EPRS1: variants seen among roughly 807,000 people sequenced by gnomAD.
EPRS1 encodes bifunctional glutamate/proline--tRNA ligase.
A neutral mutation model predicts 188.3 loss-of-function variants in EPRS1; 107 were observed. The observed-to-expected ratio is 0.57, with a 90% CI of 0.49 to 0.67. The LOEUF is 0.67. Ranked by LOEUF, EPRS1 falls within the 30% of genes least tolerant of loss-of-function variation. The probability of loss-of-function intolerance (pLI) is 0.00; values close to 1 mark genes in which losing one functional copy is unlikely to be tolerated. For missense variants in EPRS1, 1,577 were observed against 1,802.2 expected (o/e 0.88, Z 2.26); for synonymous variants, 596 against 593.1 (o/e 1.00, Z -0.07).
At chr1:220,009,379 C>T (rs185046181) in intron 13 of EPRS1, among the ~76,000 whole-genome samples, 8 of 152,264 alleles carry the variant, frequency 5.3e-5, no homozygotes, top group East Asian at 1.9e-4. Flanking sequence ...AGTCTGTGAA[C>T]GTAATTTTCA....
At chr1:219,974,377 G>A (rs928880385) in intron 28 of EPRS1, among the ~76,000 whole-genome samples, 25 of 152,164 alleles carry the variant, frequency 1.6e-4, no homozygotes, top group Non-Finnish European at 2.9e-5. Context: ...GCAAGTTTAC[G>A]ACTTGGGAAT....
At chr1:220,010,750 C>A (rs1661586924) in intron 13 of EPRS1, among the ~76,000 whole-genome samples, 196 bp downstream of exon 13, 2 of 149,436 alleles carry the variant, frequency 1.3e-5, no homozygotes, top group Non-Finnish European at 3.0e-5. Flanking sequence ...GCAGGGGTTG[C>A]AGTGAGCCGA....
Position 219,988,746 on chromosome 1 carries a change from T to A in EPRS1, c.2619A>T (p.Ile873=). ...QYKEKTGKEY[I]PGQPPLSQSS... The stretch of plus-strand genomic sequence containing the variant: ...TTTGAGATAATGGGGGCTGACCAGG[T>A]ATGTACTCCTTCCCAGTTTTTTCTT... Residue 873 remains isoleucine (I), a synonymous_variant, in exon 19 of 32, where the codon ATA becomes ATT. Coordinates refer to ENST00000366923, the MANE Select transcript of EPRS1 (RefSeq NM_004446.3). 1 of 1,613,920 alleles carries A rather than the reference T, an allele frequency of 6.2e-7. No homozygotes were observed. The highest frequency in any genetic ancestry group is 1.7e-5 in the Admixed American group (1 of 60,000).
At chr1:219,979,950 T>C (rs1053444135) in intron 26 of EPRS1, 135 bp downstream of exon 26, 1 of 793,296 alleles carries the variant, frequency 1.3e-6, no homozygotes, top group Non-Finnish European at 2.0e-6. Context: ...ATAGATTTGT[T>C]TGAAATTATT....
chr1:220,041,249 T>C (rs1662288094), intron 1 of EPRS1, among the ~76,000 whole-genome samples: 1 of 151,788 alleles, frequency 6.6e-6, no homozygotes, highest in South Asian at 2.1e-4. Context: ...GCAGGACTGC[T>C]TGAGCCTGGG....
intron 28 of EPRS1, among the ~76,000 whole-genome samples, chr1:219,976,465 T>C (rs1484938271): frequency 6.6e-6 from 1 of 152,180 alleles, no homozygotes; most frequent in African/African-American, 2.4e-5. Context: ...TACTAACTTG[T>C]ATTGTATTAT....
At chr1:219,982,751 C>A (rs748513045) in intron 23 of EPRS1, 21 bp downstream of exon 23, 7 of 1,605,730 alleles carry the variant, frequency 4.4e-6, no homozygotes, top group Non-Finnish European at 6.0e-6. Context: ...CATTCTCTTG[C>A]ACTCCAATGC....
At chr1:220,041,789 A>T (rs551946823) in intron 1 of EPRS1, among the ~76,000 whole-genome samples, 1 of 151,644 alleles carries the variant, frequency 6.6e-6, no homozygotes, top group South Asian at 2.1e-4. Flanking sequence ...GTGGCAAGCC[A>T]AGATTGCACT....
chr1:220,034,873 G>A (rs1444323142), intron 3 of EPRS1, 41 bp downstream of exon 3: 6 of 1,101,000 alleles, frequency 5.4e-6, no homozygotes, highest in Non-Finnish European at 8.4e-6. Context: ...AAAAACAGAA[G>A]CATAAGACAA....
At chr1:219,984,113 A>G in intron 21 of EPRS1, 93 bp downstream of exon 21, 1 of 836,472 alleles carries the variant, frequency 1.2e-6, no homozygotes, top group Admixed American at 1.8e-5. Flanking sequence ...CAACATTATT[A>G]CTATTGCCTT....
intron 12 of EPRS1, among the ~76,000 whole-genome samples, chr1:220,012,915 C>T (rs535739056): frequency 3.3e-4 from 31 of 93,812 alleles, no homozygotes; most frequent in Non-Finnish European, 1.8e-4. Flanking sequence ...GTTTAATTTT[C>T]AAGAAAACTT....
At chr1:219,975,005 A>C (rs1660748270) in intron 28 of EPRS1, among the ~76,000 whole-genome samples, 1 of 152,240 alleles carries the variant, frequency 6.6e-6, no homozygotes, top group African/African-American at 2.4e-5. Flanking sequence ...GAATTAAAAA[A>C]CATTCTATAA....
At chr1:219,998,619 T>C (rs906986358) in intron 17 of EPRS1, among the ~76,000 whole-genome samples, 1 of 150,472 alleles carries the variant, frequency 6.6e-6, no homozygotes, top group Non-Finnish European at 1.5e-5. Flanking sequence ...CTCAGCTCAC[T>C]GAAACCTCCG....
At chr1:219,975,500 A>C (rs1165583062) in intron 28 of EPRS1, among the ~76,000 whole-genome samples, 1 of 152,058 alleles carries the variant, frequency 6.6e-6, no homozygotes, top group Non-Finnish European at 1.5e-5. Context: ...GCAATGGTGC[A>C]ATCTGGGCTC....
chr1:220,025,795 G>GTTTT (rs780936118), intron 6 of EPRS1, among the ~76,000 whole-genome samples: 1 of 141,564 alleles, frequency 7.1e-6, no homozygotes, highest in Admixed American at 7.1e-5. Flanking sequence ...CAAAATAAAA[G>GTTTT]TTTTTTTTTT....
chr1:220,028,734 T>C (rs1416079178), intron 6 of EPRS1, among the ~76,000 whole-genome samples: 1 of 152,162 alleles, frequency 6.6e-6, no homozygotes, highest in Non-Finnish European at 1.5e-5. Flanking sequence ...TGGTAGCACC[T>C]GTACATAATA....
intron 17 of EPRS1, among the ~76,000 whole-genome samples, chr1:219,997,804 A>G (rs1661265409): frequency 1.3e-5 from 2 of 152,212 alleles, no homozygotes; most frequent in South Asian, 4.1e-4. Flanking sequence ...AAAGGCTGAG[A>G]AAAAGTGAAT....
chr1:220,040,371 C>G, intron 1 of EPRS1, 102 bp from the exon 2 acceptor site: 1 of 750,314 alleles, frequency 1.3e-6, no homozygotes, highest in South Asian at 1.8e-5. Flanking sequence ...AATATTAAGT[C>G]CTACAAGGAG....
At position 219,985,888 on chromosome 1, in the gene EPRS1, T is replaced by A. The variant is rs117647221; in HGVS notation, c.3038+1254A>T. ...AGGTTTTACTGGCTAAAAATTTTAA[T>A]GTATTTGCATTTGCATTCTCCATTG... On this transcript the variant is annotated intron_variant, in intron 20 of 31. Coordinates refer to ENST00000366923, the MANE Select transcript of EPRS1 (RefSeq NM_004446.3). Among the ~76,000 whole-genome samples, 88 of 152,356 alleles carry A rather than the reference T, an allele frequency of 5.8e-4. No individual in the cohort carries two copies. In the East Asian group the frequency reaches 0.016, roughly 28 times the overall value.
Sources: allele counts gnomAD v4.1 joint callset (sites outside exome capture counted in the v4.1 genomes callset), GRCh38; gene constraint gnomAD v4.1.1; transcripts MANE v1.5; gene names NCBI Gene and HGNC (gene_info 2026-07-23, HGNC 2026-07-21).